Variants in KIF15 observed in about 807,000 individuals in gnomAD.
The protein encoded by KIF15 is kinesin-like protein KIF15.
A neutral mutation model predicts 190.6 loss-of-function variants in KIF15; 140 were observed. The ratio of observed to expected loss-of-function variants is 0.73; its 90% CI spans 0.64 to 0.84. The LOEUF (loss-of-function observed/expected upper bound fraction) is 0.84. Among genes scored for constraint, KIF15 ranks in the 40% least tolerant of loss-of-function variants. The pLI, the probability that KIF15 is intolerant of heterozygous loss-of-function variation, is 0.00. For synonymous variants in KIF15, 528 were observed against 551.3 expected, an observed-to-expected ratio of 0.96 and a Z score of 0.59; for missense variants, 1,372 against 1,584.4, an observed-to-expected ratio of 0.87 and a Z score of 2.28.
intron 20 of KIF15, among the ~76,000 whole-genome samples, chr3:44,818,275 C>G (rs1008011822): frequency 1.3e-5 from 2 of 152,188 alleles, no homozygotes; most frequent in African/African-American, 4.8e-5. Flanking sequence ...ACTTCCAACA[C>G]TATATTGAAG....
At chr3:44,808,618 A>G (rs1030789579) in intron 16 of KIF15, among the ~76,000 whole-genome samples, 1 of 150,566 alleles carries the variant, frequency 6.6e-6, no homozygotes, top group East Asian at 1.9e-4. Flanking sequence ...TTAAAAAAAA[A>G]CGGTCATTCT....
At chr3:44,814,410 A>G (rs540982485) in intron 19 of KIF15, among the ~76,000 whole-genome samples, 11 of 152,248 alleles carry the variant, frequency 7.2e-5, no homozygotes, top group Admixed American at 7.2e-4. Context: ...CCCAGGCTCA[A>G]GCGATCCTCC....
At chr3:44,777,259 A>G (rs79597651) in intron 3 of KIF15, among the ~76,000 whole-genome samples, 188 of 152,114 alleles carry the variant, frequency 1.2e-3, no homozygotes, top group African/African-American at 4.2e-3. Flanking sequence ...TGGCTTCCCT[A>G]AGTGCTAGGA....
At chr3:44,828,070 C>G in intron 23 of KIF15, 144 bp from the exon 24 acceptor site, 2 of 585,788 alleles carry the variant, frequency 3.4e-6, no homozygotes, top group Non-Finnish European at 6.0e-6. Flanking sequence ...AAATCACTGT[C>G]TTTCAACCCA....
At chr3:44,792,019 G>A (rs908653477) in intron 7 of KIF15, among the ~76,000 whole-genome samples, 2 of 151,814 alleles carry the variant, frequency 1.3e-5, no homozygotes, top group Non-Finnish European at 2.9e-5. Flanking sequence ...GTGCCCGGCC[G>A]CTTTTTTTAG....
At chr3:44,771,992 T>G (rs945641772) in intron 1 of KIF15, among the ~76,000 whole-genome samples, 1 of 152,236 alleles carries the variant, frequency 6.6e-6, no homozygotes, top group Non-Finnish European at 1.5e-5. Flanking sequence ...TCTCAAAGAT[T>G]AAAGTCATGT....
At chr3:44,768,790 C>T (rs1293896064) in intron 1 of KIF15, among the ~76,000 whole-genome samples, 1 of 152,218 alleles carries the variant, frequency 6.6e-6, no homozygotes, top group African/African-American at 2.4e-5. Context: ...TCTAAAGGTT[C>T]CTGGCAAAAG....
chr3:44,771,205 GTTTATAATAACTTAA>G (rs1705626074), intron 1 of KIF15, among the ~76,000 whole-genome samples: 1 of 152,156 alleles, frequency 6.6e-6, no homozygotes, highest in Admixed American at 6.5e-5. Context: ...TATCTCTGTG[GTTTATAATAACTTAA>G]CATAACAACC....
chr3:44,761,902 G>T lies in KIF15; in HGVS notation c.19+18G>T. On this transcript the variant is annotated intron_variant, in intron 1 of 34. Coordinates refer to ENST00000326047, the MANE Select transcript of KIF15 (RefSeq NM_020242.3). ...CTGCAAAAGTAAGTCTGGGCCCCCGGCTTCGTTACCCTATTTTTGCCCCCA... is the reference window on the plus strand; with the variant it reads ...CTGCAAAAGTAAGTCTGGGCCCCCGTCTTCGTTACCCTATTTTTGCCCCCA... 6.2e-7 allele frequency: 1 copy of T among 1,614,160 alleles called. No homozygotes were observed. The highest frequency in any genetic ancestry group is 1.1e-5 in the South Asian group (1 of 91,086).
At chr3:44,850,891 G>A (rs1475000735) in intron 32 of KIF15, among the ~76,000 whole-genome samples, 1 of 152,174 alleles carries the variant, frequency 6.6e-6, no homozygotes, top group African/African-American at 2.4e-5. Flanking sequence ...GTAATCAACA[G>A]CTAGAAATTA....
At chr3:44,852,471 A>G in intron 34 of KIF15, 132 bp downstream of exon 34, 1 of 1,010,034 alleles carries the variant, frequency 9.9e-7, no homozygotes, top group Non-Finnish European at 1.4e-6. Context: ...TAAAAAAAAA[A>G]AAAAAGTTGG....
chr3:44,812,086 G>C, intron 17 of KIF15, 96 bp from the exon 18 acceptor site: 1 of 895,900 alleles, frequency 1.1e-6, no homozygotes, highest in Non-Finnish European at 1.8e-6. Flanking sequence ...AATTTGTTTT[G>C]TTTTGTTTTG....
intron 7 of KIF15, among the ~76,000 whole-genome samples, chr3:44,790,393 G>C (rs1706629642): frequency 6.6e-6 from 1 of 151,878 alleles, no homozygotes; most frequent in South Asian, 2.1e-4. Flanking sequence ...TGGCCGGGCT[G>C]GTCTTTACAC....
chr3:44,797,468 C>A, intron 8 of KIF15, 83 bp from the exon 9 acceptor site: 1 of 1,418,074 alleles, frequency 7.1e-7, no homozygotes, highest in Non-Finnish European at 9.7e-7. Context: ...CCAGAATTTT[C>A]CTCTGCTAGA....
chr3:44,810,985 C>T lies in KIF15; in HGVS notation c.2111C>T (p.Pro704Leu). ...LDNDILNEPV[P>L]PEMNEQAFEA... ...AATGATATATTAAATGAGCCAGTTC[C>T]TCCTGAGATGAATGAACAAGCTTTT... Residue 704 changes from proline to leucine, a missense_variant, in exon 17 of 35, where the codon CCT (proline) becomes CTT (leucine). Coordinates refer to ENST00000326047, the MANE Select transcript of KIF15 (RefSeq NM_020242.3). 1 of 1,613,804 alleles carries T rather than the reference C, an allele frequency of 6.2e-7. No homozygotes were observed. Among genetic ancestry groups the T allele is most frequent in the Non-Finnish European group, 8.5e-7 (1 of 1,179,836 alleles).
rs1380701155 is a variant in KIF15, at chr3:44,809,042, G to C, written c.1972-1804G>C. Reference sequence around the variant, plus strand: ...TTTTAGGATGTCTTAGCATTTGAGTGAGTCAAGCTGAAGCTCCCTCCTAGT... The same window carrying C: ...TTTTAGGATGTCTTAGCATTTGAGTCAGTCAAGCTGAAGCTCCCTCCTAGT... On this transcript the variant is annotated intron_variant, in intron 16 of 34. Coordinates refer to ENST00000326047, the MANE Select transcript of KIF15 (RefSeq NM_020242.3). Among the ~76,000 whole-genome samples the C allele has an allele frequency of 3.3e-5, 5 of 152,212 alleles. No homozygotes were observed. In the East Asian group the frequency reaches 9.6e-4, roughly 29 times the overall value.
intron 16 of KIF15, among the ~76,000 whole-genome samples, chr3:44,807,489 G>C (rs1045820925): frequency 6.6e-6 from 1 of 152,174 alleles, no homozygotes; most frequent in Non-Finnish European, 1.5e-5. Flanking sequence ...CTCCCAAAGT[G>C]CTGGGATTAT....
At position 44,851,823 on chromosome 3, in the gene KIF15, G is replaced by A. The variant is rs776913484; in HGVS notation, c.3843G>A (p.Glu1281=). Residue 1281 remains glutamate (E), a synonymous_variant, in exon 33 of 35, where the codon GAG becomes GAA. Coordinates refer to ENST00000326047, the MANE Select transcript of KIF15 (RefSeq NM_020242.3). ...EEVQSALYNK[E]MECLRMTDEV... ...TCCAAAGTGCCCTTTACAACAAAGA[G>A]ATGGAATGCCTTAGAATGACTGATG... The A allele has an allele frequency of 2.5e-6, 4 of 1,613,814 alleles. No homozygotes were observed. In the East Asian group the frequency reaches 8.9e-5, roughly 36 times the overall value.
In KIF15 at chr3:44,801,956, T is replaced by G. The variant is rs1707296119; in HGVS notation, c.1491T>G (p.Ile497Met). ...DRLLSELRNE[I>M]QTLREQIEHH... is the part of the protein sequence containing the mutation. Reference sequence around the variant, plus strand: ...TGCTCTCAGAATTAAGGAATGAGATTCAAACTCTGCGAGAACAAGTGAGTA... The same window carrying G: ...TGCTCTCAGAATTAAGGAATGAGATGCAAACTCTGCGAGAACAAGTGAGTA... The change falls in exon 13 of 35, where the codon ATT becomes ATG. Residue 497 changes from isoleucine to methionine, a missense_variant. Transcript: ENST00000326047. 6.2e-7 allele frequency: 1 copy of G among 1,610,760 alleles called. No homozygotes were observed. The highest frequency in any genetic ancestry group is 8.5e-7 in the Non-Finnish European group (1 of 1,177,372).
Sources: gnomAD v4.1 joint callset for allele counts (sites outside exome capture counted in the v4.1 genomes callset) on GRCh38, gnomAD v4.1.1 for gene constraint, MANE v1.5 for transcripts, NCBI Gene and HGNC (gene_info 2026-07-23, HGNC 2026-07-21) for gene names.